The following WRN variants were observed in gnomAD, a reference collection of about 807,000 sequenced individuals.
WRN encodes the protein bifunctional 3'-5' exonuclease/ATP-dependent helicase WRN.
In WRN, 149 loss-of-function variants were observed where a neutral mutation model predicts 180.7. That is an observed-to-expected ratio of 0.82 (90% CI 0.72 to 0.94). The LOEUF is 0.94. WRN is among the 40% of genes least tolerant of loss of function. The pLI is 0.00. For missense variants in WRN, 1,661 were observed against 1,700.1 expected (o/e 0.98, Z 0.40); for synonymous variants, 548 against 568.9 (o/e 0.96, Z 0.52).
Position 31,111,621 on chromosome 8 carries a change from A to G in WRN, c.2095A>G (p.Ile699Val), listed in dbSNP as rs756115593. Reference sequence around the variant, plus strand: ...TCAGTTTTACATCATTCAGGTTCCAATCGTTGCACTTACTGCTACTGCAAG... The same window carrying G: ...TCAGTTTTACATCATTCAGGTTCCAGTCGTTGCACTTACTGCTACTGCAAG... ...SLKTALPMVP[I>V]VALTATASSS... Residue 699 changes from isoleucine to valine, a missense_variant, in exon 19 of 35, where the codon ATC (isoleucine) becomes GTC (valine). Physicochemically the swap from Ile to Val is conservative, Grantham distance 29. Around this residue, in one of 3 missense-constraint regions of WRN, gnomAD observed 1,141 missense variants for 1,149.4 expected, o/e 0.99. Transcript: ENST00000298139. 3 of 1,613,910 alleles carry G rather than the reference A, an allele frequency of 1.9e-6. No homozygotes were observed. Among genetic ancestry groups the G allele is most frequent in the African/African-American group, 1.3e-5 (1 of 74,928 alleles).
At chr8:31,144,047 T>C (rs1303315020) in intron 28 of WRN, among the ~76,000 whole-genome samples, 3 of 152,196 alleles carry the variant, frequency 2.0e-5, no homozygotes, top group Non-Finnish European at 4.4e-5. Context: ...TTTATTTTTC[T>C]TTGTATGAAA....
intron 3 of WRN, among the ~76,000 whole-genome samples, chr8:31,059,670 A>G (rs1274592053): frequency 6.6e-6 from 1 of 152,232 alleles, no homozygotes; most frequent in Admixed American, 6.5e-5. Flanking sequence ...CATTAAAAAT[A>G]TCAACATAGT....
In WRN at chr8:31,067,156, A is replaced by C. The variant is rs138037385; in HGVS notation, c.628A>C (p.Lys210Gln). ...WSKFPLTEDQKLYAATDAYAG... is the reference protein window; with the variant it reads ...WSKFPLTEDQQLYAATDAYAG... ...TAAATTTCCTCTCACTGAGGACCAG[A>C]AACTGTATGCAGCCACTGATGCTTA... Residue 210 changes from lysine (K) to glutamine (Q), a missense_variant, in exon 6 of 35, where the codon AAA (lysine) becomes CAA (glutamine). Physicochemically the swap from Lys to Gln is moderately conservative, Grantham distance 53. Transcript: ENST00000298139. 1 of 1,613,882 alleles carries C rather than the reference A, an allele frequency of 6.2e-7. No homozygotes were observed. Among genetic ancestry groups the C allele is most frequent in the Non-Finnish European group, 8.5e-7 (1 of 1,179,954 alleles).
intron 16 of WRN, 40 bp from the exon 17 acceptor site, chr8:31,096,728 G>GTTTTTTTTTTTTTCTTTTTTTT: frequency 1.7e-6 from 2 of 1,160,222 alleles, no homozygotes; most frequent in Non-Finnish European, 2.4e-6. Context: ...TTCCCTTCCT[G>GTTTTTTTTTTTTTCTTTTTTTT]TTTTTTTTTT....
intron 6 of WRN, 109 bp downstream of exon 6, chr8:31,067,291 TTA>T (rs2130051614): frequency 7.9e-7 from 1 of 1,268,034 alleles, no homozygotes; most frequent in African/African-American, 1.5e-5. Context: ...CCAAAATATT[TTA>T]TATCAATTTG....
rs571057682 is a variant in WRN, at chr8:31,111,500, C to T, written c.2089-115C>T. On this transcript the variant is annotated intron_variant, in intron 18 of 34. Coordinates refer to ENST00000298139, the MANE Select transcript of WRN (RefSeq NM_000553.6). ...TTGCAAAAAAATTTTACAGTTGTGT[C>T]TTTAACATTGTACCACAAACTGTTG... 9.2e-5 allele frequency: 120 copies of T among 1,310,176 alleles called. No individual in the cohort carries two copies. In the African/African-American group the frequency reaches 1.5e-3, roughly 16 times the overall value. 81.2% of individuals were successfully genotyped at this position (1,310,176 alleles called of 1,614,324 possible).
rs60997586 is a variant in WRN at position 31,152,801 on chromosome 8, G to A, written c.3688-1823G>A. On this transcript the variant is annotated intron_variant, in intron 31 of 34. Coordinates refer to ENST00000298139, the MANE Select transcript of WRN (RefSeq NM_000553.6). Reference sequence around the variant, plus strand: ...TGCCTGTAATCCCAGCACTTTGGGAGGCCAAGGCAGGCAGGTTACCTGAGG... The same window carrying A: ...TGCCTGTAATCCCAGCACTTTGGGAAGCCAAGGCAGGCAGGTTACCTGAGG... Among the ~76,000 whole-genome samples, 1,041 of 152,232 alleles carry A rather than the reference G, an allele frequency of 6.8e-3. 11 individuals are homozygous for A. Among genetic ancestry groups the A allele is most frequent in the African/African-American group, 0.024 (988 of 41,532 alleles).
rs906958160 is a variant in WRN, at chr8:31,154,902, ATGT to A, written c.3819+152_3819+154del. On this transcript the variant is annotated intron_variant, in intron 32 of 34. Coordinates refer to ENST00000298139, the MANE Select transcript of WRN (RefSeq NM_000553.6). The stretch of plus-strand genomic sequence containing the variant: ...AGTTTATCTTTAATTTTAAAAGAGA[ATGT>A]TGTTTTCTTTTTCTGTTAAGCCTCC... 7.8e-6 allele frequency: 9 copies of A among 1,151,422 alleles called. No homozygotes were observed. The African/African-American group carries it at 9.4e-5, about 12-fold the overall frequency. The allele number at this position is 1,151,422 out of a possible 1,614,324, so 71.3% of individuals were successfully genotyped here. A position where few individuals can be genotyped will look rare whatever the true frequency, so the allele number is the denominator to read the frequency against.
Position 31,167,084 on chromosome 8 carries a change from CACATGGCAATTGAGATCCTTAA to C in WRN, c.4052_4073del (p.Ala1351ValfsTer35). ...TGAAAACATTGACACGTACCTTATC[CACATGGCAATTGAGATCCTTAA>C]ACATGGTCCTGACAGCGGACTTCAA... On this transcript the variant is annotated frameshift_variant, in exon 34 of 35. Transcript: ENST00000298139. LOFTEE classifies it high-confidence loss of function. The C allele has an allele frequency of 6.2e-7, 1 of 1,613,230 alleles. No homozygotes were observed. Among genetic ancestry groups the C allele is most frequent in the Non-Finnish European group, 8.5e-7 (1 of 1,179,480 alleles).
intron 34 of WRN, among the ~76,000 whole-genome samples, chr8:31,170,423 TAGA>T (rs1804059297): frequency 6.6e-6 from 1 of 152,190 alleles, no homozygotes; most frequent in Non-Finnish European, 1.5e-5. Context: ...AATTGTTTTG[TAGA>T]AGATTTATTT....
At chr8:31,148,119 T>C (rs897428284) in intron 30 of WRN, among the ~76,000 whole-genome samples, 1 of 152,114 alleles carries the variant, frequency 6.6e-6, no homozygotes, top group Non-Finnish European at 1.5e-5. Flanking sequence ...ACTCCTAAGC[T>C]CAAGCAATCT....
chr8:31,101,334 A>G (rs1262304211), intron 18 of WRN, among the ~76,000 whole-genome samples: 2 of 152,170 alleles, frequency 1.3e-5, no homozygotes, highest in Admixed American at 6.5e-5. Context: ...ATGTCTTCTC[A>G]GTGATCTTTC....
chr8:31,128,095 C>G (rs201086015), intron 23 of WRN, among the ~76,000 whole-genome samples: 1 of 149,520 alleles, frequency 6.7e-6, no homozygotes, highest in Non-Finnish European at 1.5e-5. Context: ...AAAAAAAAAA[C>G]AAACTTAAAA....
intron 34 of WRN, among the ~76,000 whole-genome samples, chr8:31,167,736 A>G (rs1363056512): frequency 6.6e-6 from 1 of 152,124 alleles, no homozygotes; most frequent in Admixed American, 6.6e-5. Flanking sequence ...CAAATTTAGT[A>G]TTATGTTAGA....
Position 31,137,603 on chromosome 8 carries a change from GCT to G in WRN, c.2968-3824_2968-3823del, listed in dbSNP as rs369269229. 2.1e-3 allele frequency among the ~76,000 whole-genome samples: 316 copies of G among 152,148 alleles called. 3 individuals are homozygous for G. The highest frequency in any genetic ancestry group is 7.3e-3 in the African/African-American group (301 of 41,514). The stretch of plus-strand genomic sequence containing the variant: ...AAGCAGATTAATATTACAGAGCCAG[GCT>G]CTGTCCTGGTTATGGACTTAATCTT... On this transcript the variant is annotated intron_variant, in intron 24 of 34. Transcript: ENST00000298139.
chr8:31,173,144 A>G lies in WRN; in HGVS notation c.*42A>G. The G allele has an allele frequency of 6.5e-7, 1 of 1,543,384 alleles. No individual in the cohort carries two copies. The highest frequency in any genetic ancestry group is 2.3e-5 in the East Asian group (1 of 44,140). ...ACAATTATGTTTCTTGCTGTATTAT[A>G]AGAGGATAGCTATATTTTATTTCTG... On this transcript the variant is annotated 3_prime_UTR_variant, in exon 35 of 35. Transcript: ENST00000298139.
chr8:31,168,903 C>A (rs1803999539), intron 34 of WRN, among the ~76,000 whole-genome samples: 1 of 152,084 alleles, frequency 6.6e-6, no homozygotes, highest in African/African-American at 2.4e-5. Flanking sequence ...TCAATCATGT[C>A]CTTGTTTAAC....
At chr8:31,095,655 G>A (rs972334354) in intron 16 of WRN, among the ~76,000 whole-genome samples, 1 of 152,136 alleles carries the variant, frequency 6.6e-6, no homozygotes, top group African/African-American at 2.4e-5. Context: ...CTTTTACACT[G>A]AATTGACTTT....
rs1554520861 is a variant in WRN, at chr8:31,080,975, C to A, written c.948C>A (p.Asn316Lys). The A allele has an allele frequency of 1.2e-6, 2 of 1,613,814 alleles. No homozygotes were observed. Among genetic ancestry groups the A allele is most frequent in the Non-Finnish European group, 1.7e-6 (2 of 1,179,858 alleles). ...ETELRPSNNL[N>K]LLSFEDSTTG... ...AACTGAGGCCCAGCAATAATTTAAA[C>A]TTATTATCCTTTGAAGATTCAACTA... Residue 316 changes from asparagine to lysine, a missense_variant, in exon 9 of 35, where the codon AAC (asparagine) becomes AAA (lysine). Asn to Lys is a moderately conservative substitution (Grantham distance 94). Coordinates refer to ENST00000298139, the MANE Select transcript of WRN (RefSeq NM_000553.6).
Sources: allele counts gnomAD v4.1 joint callset (sites outside exome capture counted in the v4.1 genomes callset), GRCh38; gene constraint gnomAD v4.1.1; regional missense constraint gnomAD v4.1.1; transcripts MANE v1.5; gene names NCBI Gene and HGNC (gene_info 2026-07-23, HGNC 2026-07-21).